Variants in MALRD1 observed in about 807,000 individuals in gnomAD.
MALRD1 encodes the protein MAM and LDL-receptor class A domain-containing protein 1.
A neutral mutation model predicts 242.1 loss-of-function variants in MALRD1; 247 were observed. The observed-to-expected ratio is 1.02, with a 90% CI of 0.92 to 1.13. MALRD1 has a LOEUF of 1.13. Among genes scored for constraint, MALRD1 ranks in the 50% most tolerant of loss-of-function variants. The pLI is 0.00. For synonymous variants in MALRD1, 995 were observed against 866.6 expected (o/e 1.15, Z -2.60); for missense variants, 2,989 against 2,533.1 (o/e 1.18, Z -3.86).
Position 19,538,576 on chromosome 10 carries a change from C to T in MALRD1, c.5478+7225C>T, listed in dbSNP as rs183477099. On this transcript the variant is annotated intron_variant, in intron 32 of 39. Transcript: ENST00000454679. ...TATTTAATTACAGCTATTCAGCTTCCTAGCTTCTGTCTTGTTTTGATGTTT... is the reference window on the plus strand; with the variant it reads ...TATTTAATTACAGCTATTCAGCTTCTTAGCTTCTGTCTTGTTTTGATGTTT... Among the ~76,000 whole-genome samples the T allele has an allele frequency of 5.3e-5, 8 of 152,202 alleles. No individual in the cohort carries two copies. The East Asian group carries it at 1.5e-3, about 29-fold the overall frequency.
At chr10:19,067,500 T>G (rs1289868171) in intron 2 of MALRD1, among the ~76,000 whole-genome samples, 1 of 152,162 alleles carries the variant, frequency 6.6e-6, no homozygotes, top group East Asian at 1.9e-4. Context: ...TAAAAGCTAG[T>G]TATTTTTATA....
intron 34 of MALRD1, among the ~76,000 whole-genome samples, chr10:19,603,725 C>G (rs995845798): frequency 6.6e-6 from 1 of 152,048 alleles, no homozygotes; most frequent in African/African-American, 2.4e-5. Context: ...CACTTCGTGT[C>G]TGTATCCCAT....
At chr10:19,689,113 A>G (rs1842718661) in intron 36 of MALRD1, among the ~76,000 whole-genome samples, 1 of 152,242 alleles carries the variant, frequency 6.6e-6, no homozygotes, top group Non-Finnish European at 1.5e-5. Context: ...AGTTATTTGT[A>G]CAGACATCTG....
At chr10:19,098,015 A>G (rs1836107463) in intron 4 of MALRD1, among the ~76,000 whole-genome samples, 1 of 151,970 alleles carries the variant, frequency 6.6e-6, no homozygotes, top group African/African-American at 2.4e-5. Flanking sequence ...TTATCCCTCT[A>G]CTTTCTTAAG....
At chr10:19,683,112 T>C (rs1045196232) in intron 36 of MALRD1, among the ~76,000 whole-genome samples, 4 of 149,118 alleles carry the variant, frequency 2.7e-5, no homozygotes, top group African/African-American at 4.9e-5. Flanking sequence ...CTGGCCAATA[T>C]GGGGAAACCC....
intron 33 of MALRD1, among the ~76,000 whole-genome samples, chr10:19,594,705 C>T (rs900912281): frequency 6.6e-6 from 1 of 152,000 alleles, no homozygotes; most frequent in African/African-American, 2.4e-5. Context: ...GAGCTGGAGG[C>T]CATTATTCTA....
At chr10:19,574,356 T>A (rs11010470) in intron 33 of MALRD1, among the ~76,000 whole-genome samples, 1 of 152,014 alleles carries the variant, frequency 6.6e-6, no homozygotes, top group East Asian at 1.9e-4. Flanking sequence ...TAGAGAAATA[T>A]GTTGAATGAA....
intron 28 of MALRD1, among the ~76,000 whole-genome samples, chr10:19,411,474 C>T (rs964042642): frequency 3.3e-5 from 5 of 152,188 alleles, no homozygotes; most frequent in African/African-American, 1.2e-4. Flanking sequence ...ATGAACTAAG[C>T]ACTCTTCTAA....
chr10:19,530,367 A>G, intron 31 of MALRD1, among the ~76,000 whole-genome samples: 1 of 109,112 alleles, frequency 9.2e-6, no homozygotes, highest in African/African-American at 5.1e-5. Flanking sequence ...ATTTATATAA[A>G]TATTTATATA....
intron 21 of MALRD1, among the ~76,000 whole-genome samples, chr10:19,303,125 A>G (rs1253655417): frequency 6.6e-6 from 1 of 151,634 alleles, no homozygotes; most frequent in Non-Finnish European, 1.5e-5. Flanking sequence ...CCAAAACCCA[A>G]CTGTATGGTA....
At chr10:19,458,400 C>T (rs1835771600) in intron 29 of MALRD1, among the ~76,000 whole-genome samples, 1 of 152,064 alleles carries the variant, frequency 6.6e-6, no homozygotes, top group African/African-American at 2.4e-5. Flanking sequence ...TGATATTTTA[C>T]TAACTATATA....
intron 33 of MALRD1, among the ~76,000 whole-genome samples, chr10:19,592,727 A>C (rs2131550855): frequency 9.8e-6 from 1 of 101,730 alleles, no homozygotes; most frequent in South Asian, 3.9e-4. Context: ...AAAAATATAA[A>C]GACACACACA....
chr10:19,142,307 T>C (rs1459521150), intron 10 of MALRD1, among the ~76,000 whole-genome samples: 1 of 151,962 alleles, frequency 6.6e-6, no homozygotes, highest in Non-Finnish European at 1.5e-5. Flanking sequence ...ATATTTATAA[T>C]GTAATCCTGT....
intron 24 of MALRD1, among the ~76,000 whole-genome samples, chr10:19,331,902 CTG>C (rs1190932298): frequency 6.6e-6 from 1 of 152,258 alleles, no homozygotes; most frequent in Non-Finnish European, 1.5e-5. Flanking sequence ...GAATCTCACT[CTG>C]TTGCAGGATG....
chr10:19,666,209 G>A (rs894142453), intron 36 of MALRD1, among the ~76,000 whole-genome samples: 11 of 152,194 alleles, frequency 7.2e-5, no homozygotes, highest in South Asian at 2.1e-4. Flanking sequence ...TTCCATTCCT[G>A]TAATCATTCT....
chr10:19,176,601 C>G (rs1564445205), intron 14 of MALRD1, among the ~76,000 whole-genome samples: 1 of 151,060 alleles, frequency 6.6e-6, no homozygotes, highest in African/African-American at 2.4e-5. Flanking sequence ...GTCTCGATCT[C>G]CTGACCTCAT....
chr10:19,110,020 A>G (rs969907435), intron 5 of MALRD1, among the ~76,000 whole-genome samples: 3 of 152,200 alleles, frequency 2.0e-5, no homozygotes, highest in African/African-American at 7.2e-5. Flanking sequence ...ACAGGGCAGT[A>G]AAGATAGGGT....
chr10:19,689,950 C>T (rs977752087), intron 36 of MALRD1, among the ~76,000 whole-genome samples: 3 of 152,142 alleles, frequency 2.0e-5, no homozygotes, highest in Non-Finnish European at 2.9e-5. Flanking sequence ...GTAATCTCTA[C>T]TCCCATTTGA....
In MALRD1 at chr10:19,638,636, A is replaced by G. The variant is rs76296736; in HGVS notation, c.6137+22713A>G. 9.3e-3 allele frequency among the ~76,000 whole-genome samples: 1,412 copies of G among 152,284 alleles called. 19 individuals are homozygous for G. The highest frequency in any genetic ancestry group is 0.032 in the African/African-American group (1,324 of 41,558). On this transcript the variant is annotated intron_variant, in intron 36 of 39. Transcript: ENST00000454679. ...TACTGTTCTATTAAACTGTCCAAAA[A>G]GCATATTTCCAGCTACTTCAGGAAT...
Sources: gnomAD v4.1 joint callset for allele counts (sites outside exome capture counted in the v4.1 genomes callset) on GRCh38, gnomAD v4.1.1 for gene constraint, MANE v1.5 for transcripts, NCBI Gene and HGNC (gene_info 2026-07-23, HGNC 2026-07-21) for gene names.